The following PARD3B variants were observed in gnomAD, a reference collection of about 807,000 sequenced individuals.
The protein encoded by PARD3B is partitioning defective 3 homolog B.
PARD3B carries 103 observed loss-of-function variants against 130.2 expected under a neutral mutation model. The ratio of observed to expected loss-of-function variants is 0.79; its 90% CI spans 0.67 to 0.93. The LOEUF is 0.93. Among genes scored for constraint, PARD3B ranks in the 40% least tolerant of loss-of-function variants. PARD3B has a pLI of 0.00. For synonymous variants in PARD3B, 583 were observed against 553.2 expected (o/e 1.05, Z -0.76); for missense variants, 1,609 against 1,499.2 (o/e 1.07, Z -1.21).
chr2:205,454,507 G>GA (rs2048206153), intron 20 of PARD3B, among the ~76,000 whole-genome samples: 1 of 152,068 alleles, frequency 6.6e-6, no homozygotes, highest in Admixed American at 6.6e-5. Context: ...GGATTGGTAT[G>GA]AACCCATCCA....
In PARD3B at chr2:205,532,080, A is replaced by T. The variant is rs943403334; in HGVS notation, c.3181-21244A>T. On this transcript the variant is annotated intron_variant, in intron 21 of 22. Coordinates refer to ENST00000406610, the MANE Select transcript of PARD3B (RefSeq NM_001302769.2). ...GACCAGAATCTGCGAATGCGCTGGCATAACTGTCTTCTGAGTGTTCCTTTG... is the reference window on the plus strand; with the variant it reads ...GACCAGAATCTGCGAATGCGCTGGCTTAACTGTCTTCTGAGTGTTCCTTTG... 1.8e-4 allele frequency among the ~76,000 whole-genome samples: 27 copies of T among 152,216 alleles called. 1 individual carries two copies. Among genetic ancestry groups the T allele is most frequent in the Admixed American group, 1.8e-3 (27 of 15,282 alleles).
intron 2 of PARD3B, among the ~76,000 whole-genome samples, chr2:204,826,166 T>C (rs1019071028): frequency 1.3e-5 from 2 of 152,176 alleles, no homozygotes; most frequent in African/African-American, 4.8e-5. Context: ...AAAAGTATTA[T>C]ATAGTTTGGG....
At chr2:205,165,264 C>A (rs2034740581) in intron 11 of PARD3B, among the ~76,000 whole-genome samples, 1 of 152,050 alleles carries the variant, frequency 6.6e-6, no homozygotes, top group Non-Finnish European at 1.5e-5. Context: ...GTAAAACAAG[C>A]ACAGAATGTT....
chr2:204,851,820 G>A (rs1034673909), intron 2 of PARD3B, among the ~76,000 whole-genome samples: 1 of 151,626 alleles, frequency 6.6e-6, no homozygotes, highest in African/African-American at 2.4e-5. Flanking sequence ...AGCCTCCCGA[G>A]TAGCTGGGAT....
intron 18 of PARD3B, among the ~76,000 whole-genome samples, chr2:205,339,554 T>C (rs1406132177): frequency 6.6e-6 from 1 of 152,204 alleles, no homozygotes; most frequent in African/African-American, 2.4e-5. Context: ...TTTCAAATGG[T>C]CCACATGTAA....
At chr2:204,652,998 C>T (rs1033642467) in intron 1 of PARD3B, among the ~76,000 whole-genome samples, 3 of 151,038 alleles carry the variant, frequency 2.0e-5, no homozygotes, top group Non-Finnish European at 2.9e-5. Context: ...CCAGGCCCCT[C>T]TCCCGACACA....
At chr2:204,882,931 G>T (rs1355372703) in intron 2 of PARD3B, among the ~76,000 whole-genome samples, 1 of 152,120 alleles carries the variant, frequency 6.6e-6, no homozygotes, top group Non-Finnish European at 1.5e-5. Context: ...TTCCTACTCT[G>T]CATTGCTTTA....
intron 3 of PARD3B, among the ~76,000 whole-genome samples, chr2:205,008,943 C>A (rs911518737): frequency 2.0e-5 from 3 of 152,010 alleles, no homozygotes; most frequent in Non-Finnish European, 4.4e-5. Context: ...AAATTACCAT[C>A]CAGGCTACAC....
chr2:205,553,508 T>C (rs1397663015), intron 22 of PARD3B, 105 bp downstream of exon 22: 1 of 1,168,060 alleles, frequency 8.6e-7, no homozygotes, highest in Non-Finnish European at 1.2e-6. Flanking sequence ...GAATATGTTA[T>C]AATTTTGCCT....
intron 18 of PARD3B, among the ~76,000 whole-genome samples, chr2:205,362,118 A>G (rs1351059935): frequency 6.6e-6 from 1 of 152,164 alleles, no homozygotes; most frequent in Non-Finnish European, 1.5e-5. Context: ...TTCATTCCCA[A>G]AGATTCTTGC....
At chr2:204,837,521 A>G (rs568913726) in intron 2 of PARD3B, among the ~76,000 whole-genome samples, 121 of 151,900 alleles carry the variant, frequency 8.0e-4, no homozygotes, top group Non-Finnish European at 1.5e-3. Context: ...CCCGGGTTCA[A>G]GCAATTCTCC....
Position 205,176,289 on chromosome 2 carries a change from A to C in PARD3B, c.1792-156A>C, listed in dbSNP as rs531536575. Among the ~76,000 whole-genome samples, 18 of 152,310 alleles carry C rather than the reference A, an allele frequency of 1.2e-4. No individual in the cohort carries two copies. In the South Asian group the frequency reaches 1.2e-3, roughly 11 times the overall value. ...TTATTTTAGACTCAAAGATGTTTTC[A>C]CTGATAGGGCCATTTTGAGTTTCCA... On this transcript the variant is annotated intron_variant, in intron 12 of 22. Coordinates refer to ENST00000406610, the MANE Select transcript of PARD3B (RefSeq NM_001302769.2). This position sits in a 1 kb window ranked among gnomAD's most constrained non-coding sequence, Gnocchi z 5.3.
intron 2 of PARD3B, among the ~76,000 whole-genome samples, chr2:204,804,019 G>C (rs917592462): frequency 6.6e-6 from 1 of 152,148 alleles, no homozygotes; most frequent in African/African-American, 2.4e-5. Flanking sequence ...TTTGAGACTA[G>C]TCTGGGCAAC....
chr2:205,340,612 G>C (rs925347284), intron 18 of PARD3B, among the ~76,000 whole-genome samples: 1 of 152,098 alleles, frequency 6.6e-6, no homozygotes, highest in Non-Finnish European at 1.5e-5. Context: ...ATGAATTAAA[G>C]ACTTAAAGGT....
At chr2:204,548,632 T>C (rs1393175570) in intron 1 of PARD3B, among the ~76,000 whole-genome samples, 1 of 152,236 alleles carries the variant, frequency 6.6e-6, no homozygotes, top group African/African-American at 2.4e-5. Context: ...AAAAGACATT[T>C]CCATCTACTA....
At chr2:204,720,968 A>T (rs1350157857) in intron 2 of PARD3B, among the ~76,000 whole-genome samples, 2 of 152,106 alleles carry the variant, frequency 1.3e-5, no homozygotes, top group African/African-American at 4.8e-5. Context: ...TATAAGGAAC[A>T]TAAAAAAAAG....
chr2:204,705,664 C>A (rs567446406), intron 2 of PARD3B, among the ~76,000 whole-genome samples: 1 of 152,108 alleles, frequency 6.6e-6, no homozygotes, highest in South Asian at 2.1e-4. Flanking sequence ...CACTGACTGA[C>A]TAGATAGTAA....
chr2:204,970,694 A>G (rs994623828), intron 3 of PARD3B, among the ~76,000 whole-genome samples: 2 of 152,160 alleles, frequency 1.3e-5, no homozygotes, highest in Admixed American at 1.3e-4. Context: ...GAAAATATTT[A>G]TTTAGTTAAA....
intron 1 of PARD3B, among the ~76,000 whole-genome samples, chr2:204,563,178 C>T (rs767059261): frequency 6.2e-4 from 93 of 148,806 alleles, no homozygotes; most frequent in Non-Finnish European, 1.1e-3. Flanking sequence ...CAGCATAACT[C>T]CAATCTCTGC....
Sources: gnomAD v4.1 joint callset for allele counts (sites outside exome capture counted in the v4.1 genomes callset) on GRCh38, gnomAD v4.1.1 for gene constraint, Gnocchi (gnomAD v3.1) non-coding constraint, MANE v1.5 for transcripts, NCBI Gene and HGNC (gene_info 2026-07-23, HGNC 2026-07-21) for gene names.